NEB: variants seen among roughly 807,000 people sequenced by gnomAD.
The protein encoded by NEB is nemaline myopathy type 2.
NEB carries 512 observed loss-of-function variants against 952.2 expected under a neutral mutation model. The observed-to-expected ratio is 0.54, with a 90% confidence interval of 0.50 to 0.58. The LOEUF (loss-of-function observed/expected upper bound fraction) is 0.58. NEB is among the 20% of genes least tolerant of loss of function. The pLI is 0.00. For synonymous variants in NEB, 2,900 were observed against 3,149.8 expected (o/e 0.92, Z 2.66); for missense variants, 8,428 against 9,231.1 (o/e 0.91, Z 3.56).
intron 28 of NEB, among the ~76,000 whole-genome samples, chr2:151,683,678 T>G (rs1002243299): frequency 6.6e-6 from 1 of 152,112 alleles, no homozygotes; most frequent in South Asian, 2.1e-4. Flanking sequence ...AAATAAAAAA[T>G]AGAGCTACCA....
In NEB at chr2:151,546,414, C is replaced by A. The variant is rs750316684; in HGVS notation, c.20397G>T (p.Leu6799=). The change falls in exon 134 of 182, where the codon CTG becomes CTT. Residue 6799 remains leucine (L), a synonymous_variant. Coordinates refer to ENST00000397345, the MANE Select transcript of NEB (RefSeq NM_001164508.2). ...DIKYKEDLQV[L]KGFGCFLYDT... is the part of the protein sequence containing the mutation. The stretch of plus-strand genomic sequence containing the variant: ...CATACAGGAAGCAGCCAAATCCCTT[C>A]AGGACCTGCAAGTCCTCTTTGTATT... 6.2e-7 allele frequency: 1 copy of A among 1,613,594 alleles called. No homozygotes were observed. Among genetic ancestry groups the A allele is most frequent in the South Asian group, 1.1e-5 (1 of 91,050 alleles).
chr2:151,524,472 C>T (rs1559524707), intron 152 of NEB, 43 bp downstream of exon 152: 1 of 1,613,118 alleles, frequency 6.2e-7, no homozygotes, highest in Admixed American at 1.7e-5. Flanking sequence ...CATGCCTTGG[C>T]AATGGCTGTT....
chr2:151,673,594 C>T (rs908782648), intron 36 of NEB, among the ~76,000 whole-genome samples: 2 of 152,068 alleles, frequency 1.3e-5, no homozygotes, highest in East Asian at 3.8e-4. Flanking sequence ...AGAGTTTTTA[C>T]ACCTCTATTT....
Position 151,641,622 on chromosome 2 carries a change from T to C in NEB, c.8373+952A>G, listed in dbSNP as rs748349518. Among the ~76,000 whole-genome samples, 7 of 152,326 alleles carry C rather than the reference T, an allele frequency of 4.6e-5. No individual in the cohort carries two copies. In the Middle Eastern group the frequency reaches 0.01, roughly 222 times the overall value. ...CTGGGATTACAGGTGTGAGCCATGG[T>C]GCCTGACCTATACACATGATTTTTA... is the stretch of plus-strand genomic sequence containing the variant. On this transcript the variant is annotated intron_variant, in intron 60 of 181. Coordinates refer to ENST00000397345, the MANE Select transcript of NEB (RefSeq NM_001164508.2).
intron 44 of NEB, among the ~76,000 whole-genome samples, chr2:151,664,227 G>A (rs931589352): frequency 7.2e-5 from 11 of 152,328 alleles, no homozygotes; most frequent in East Asian, 1.9e-4. Context: ...GGTAAAACAC[G>A]TAGATTGCAT....
At chr2:151,507,039 T>TTAAGA in intron 162 of NEB, 26 bp from the exon 163 acceptor site, 1 of 1,356,708 alleles carries the variant, frequency 7.4e-7, no homozygotes, top group Non-Finnish European at 1.1e-6. Context: ...AAACATCTTG[T>TTAAGA]TAAGATTTCA....
chr2:151,516,504 T>C lies in NEB; in HGVS notation c.22860A>G (p.Thr7620=). Residue 7620 remains threonine (T), a synonymous_variant, in exon 157 of 182, where the codon ACA becomes ACG. Transcript: ENST00000397345. ...ACTCTTTGGCAGTGATGTACGTTGG[T>C]GTTTCAAAGTCCAGCATGGGTTTTC... ...ERGKPMLDFE[T]PTYITAKESQ... 1.2e-6 allele frequency: 2 copies of C among 1,613,662 alleles called. No homozygotes were observed. The highest frequency in any genetic ancestry group is 1.7e-6 in the Non-Finnish European group (2 of 1,179,706).
rs747742809 is a variant in NEB at position 151,619,723 on chromosome 2, G to A, written c.10600C>T (p.His3534Tyr). Reference sequence around the variant, plus strand: ...TCGTGTACTGCTCGGGCGCCAATGTGGTGACCCAACTGTTTACGATATGCT... The same window carrying A: ...TCGTGTACTGCTCGGGCGCCAATGTAGTGACCCAACTGTTTACGATATGCT... Reference protein sequence around the residue: ...KEAYRKQLGHHIGARAVHDDP... With the variant: ...KEAYRKQLGHYIGARAVHDDP... The change falls in exon 73 of 182, where the codon CAC becomes TAC. Residue 3534 changes from histidine (H) to tyrosine (Y), a missense_variant. This residue lies in a region of NEB where 1,772 missense variants were observed against 1,960.3 expected (regional missense o/e 0.90). Coordinates refer to ENST00000397345, the MANE Select transcript of NEB (RefSeq NM_001164508.2). The A allele has an allele frequency of 3.1e-6, 5 of 1,613,560 alleles. No homozygotes were observed. In the East Asian group the frequency reaches 1.1e-4, roughly 36 times the overall value.
chr2:151,682,866 T>C, intron 28 of NEB, 97 bp from the exon 29 acceptor site: 1 of 1,050,184 alleles, frequency 9.5e-7, no homozygotes, highest in Non-Finnish European at 1.4e-6. Context: ...TTGAGATTTC[T>C]GACCAGCTTC....
rs560634136 is a variant in NEB at position 151,489,758 on chromosome 2, T to G, written c.25404+213A>C. Among the ~76,000 whole-genome samples, 25 of 148,364 alleles carry G rather than the reference T, an allele frequency of 1.7e-4. 1 individual carries two copies. The East Asian group carries it at 3.9e-3, about 23-fold the overall frequency. ...ACTGATGCTTTGCTCTAGGTTTGGGTTTTTTTTTTAAGTTATTGAATAATG... is the reference window on the plus strand; with the variant it reads ...ACTGATGCTTTGCTCTAGGTTTGGGGTTTTTTTTTAAGTTATTGAATAATG... On this transcript the variant is annotated intron_variant, in intron 181 of 181. Coordinates refer to ENST00000397345, the MANE Select transcript of NEB (RefSeq NM_001164508.2).
At chr2:151,693,555 T>G (rs1029400849) in intron 20 of NEB, among the ~76,000 whole-genome samples, 1 of 152,132 alleles carries the variant, frequency 6.6e-6, no homozygotes, top group African/African-American at 2.4e-5. Flanking sequence ...CTGAGGATAA[T>G]GGCTTCCAGC....
Position 151,516,570 on chromosome 2 carries a change from AT to A in NEB, c.22801-8del, listed in dbSNP as rs1182051750. The A allele has an allele frequency of 6.4e-7, 1 of 1,564,646 alleles. No individual in the cohort carries two copies. The highest frequency in any genetic ancestry group is 1.7e-5 in the Admixed American group (1 of 58,852). On this transcript the variant is annotated splice_polypyrimidine_tract_variant and splice_region_variant and intron_variant, in intron 156 of 181. Transcript: ENST00000397345. The stretch of plus-strand genomic sequence containing the variant: ...ACTTTTCTTTGTATTTCACCTGGTG[AT>A]AGAAAGCCATGTTAGATATCTCTCC...
chr2:151,550,664 G>T (rs144735118), intron 129 of NEB, among the ~76,000 whole-genome samples: 2 of 152,176 alleles, frequency 1.3e-5, no homozygotes, highest in Non-Finnish European at 2.9e-5. Flanking sequence ...TTGAGACAGG[G>T]TCTCACTGTG....
chr2:151,677,946 T>C lies in NEB; in HGVS notation c.3497A>G (p.His1166Arg), dbSNP rs765273968. ...VSNVNYKHSL[H>R]HYTYLPDAMD... ...GGCGTCAGGCAAGTAGGTGTAATGA[T>C]GGAGAGAATGCTTATAGTTGACATT... is the stretch of plus-strand genomic sequence containing the variant. The change falls in exon 33 of 182, where the codon CAT becomes CGT. Residue 1166 changes from histidine to arginine, a missense_variant. Physicochemically the swap from His to Arg is conservative, Grantham distance 29. Coordinates refer to ENST00000397345, the MANE Select transcript of NEB (RefSeq NM_001164508.2). 9 of 1,613,838 alleles carry C rather than the reference T, an allele frequency of 5.6e-6. No homozygotes were observed. The highest frequency in any genetic ancestry group is 7.6e-6 in the Non-Finnish European group (9 of 1,179,864).
intron 63 of NEB, among the ~76,000 whole-genome samples, chr2:151,638,663 A>T (rs2098805690): frequency 6.6e-6 from 1 of 152,166 alleles, no homozygotes; most frequent in African/African-American, 2.4e-5. Flanking sequence ...ATTTGTGGGG[A>T]GGGGTACCTT....
In NEB at chr2:151,533,534, A is replaced by T. The variant is rs2092315105; in HGVS notation, c.21325T>A (p.Ser7109Thr). The T allele has an allele frequency of 6.5e-7, 1 of 1,547,114 alleles. No homozygotes were observed. The highest frequency in any genetic ancestry group is 8.7e-7 in the Non-Finnish European group (1 of 1,144,046). Residue 7109 changes from serine (S) to threonine (T), a missense_variant, in exon 143 of 182, where the codon TCT becomes ACT. Transcript: ENST00000397345. The part of the protein sequence containing the change: ...TQLMNERKYK[S>T]SAKMFLQHGC... ...TGTTGCAGAAACATCTTGGCACTAG[A>T]TTTATATTTTCTCTGTCCATGCAAA...
intron 163 of NEB, among the ~76,000 whole-genome samples, chr2:151,506,706 G>GTTGT (rs1475995249): frequency 6.6e-6 from 1 of 152,168 alleles, no homozygotes; most frequent in African/African-American, 2.4e-5. Context: ...TAAAAGTTAC[G>GTTGT]TTGTTAGCAG....
intron 52 of NEB, among the ~76,000 whole-genome samples, 185 bp downstream of exon 52, chr2:151,653,807 G>A (rs1033657026): frequency 2.1e-4 from 32 of 152,076 alleles, no homozygotes; most frequent in Non-Finnish European, 1.2e-4. Context: ...CTCTATTCAG[G>A]AAGCCCTTTT....
rs534443920 is a variant in NEB at position 151,546,386 on chromosome 2, T to C, written c.20425A>G (p.Thr6809Ala). 13 of 1,613,360 alleles carry C rather than the reference T, an allele frequency of 8.1e-6. No homozygotes were observed. In the Admixed American group the frequency reaches 1.7e-4, roughly 21 times the overall value. The change falls in exon 134 of 182, where the codon ACT becomes GCT. Residue 6809 changes from threonine (T) to alanine (A), a missense_variant. Around this residue, in one of 11 missense-constraint regions of NEB, gnomAD observed 3,374 missense variants for 3,651.5 expected, o/e 0.92. Coordinates refer to ENST00000397345, the MANE Select transcript of NEB (RefSeq NM_001164508.2). ...LKGFGCFLYD[T>A]PDMVRSRHLR... Reference sequence around the variant, plus strand: ...TGCCGGGAGCGGACCATGTCAGGAGTGTCATACAGGAAGCAGCCAAATCCC... The same window carrying C: ...TGCCGGGAGCGGACCATGTCAGGAGCGTCATACAGGAAGCAGCCAAATCCC...
Sources: allele counts gnomAD v4.1 joint callset (sites outside exome capture counted in the v4.1 genomes callset), GRCh38; gene constraint gnomAD v4.1.1; regional missense constraint gnomAD v4.1.1; transcripts MANE v1.5; gene names NCBI Gene and HGNC (gene_info 2026-07-23, HGNC 2026-07-21).